The following KCNK13 variants were observed in gnomAD, a reference collection of about 807,000 sequenced individuals.
KCNK13 encodes potassium two pore domain channel subfamily K member 13.
Under a neutral mutation model 23.4 loss-of-function variants are expected in KCNK13, and 12 were observed. The observed-to-expected ratio is 0.51, with a 90% CI of 0.33 to 0.83. The LOEUF (loss-of-function observed/expected upper bound fraction) is 0.83, where lower values mean the gene tolerates loss of function less well. KCNK13 is among the 40% of genes least tolerant of loss of function. The pLI, the probability that KCNK13 is intolerant of heterozygous loss-of-function variation, is 0.02. For missense variants in KCNK13, 463 were observed against 556.3 expected, an observed-to-expected ratio of 0.83 and a Z score of 1.69; for synonymous variants, 231 against 229.5, an observed-to-expected ratio of 1.01 and a Z score of -0.06.
At chr14:90,181,248 C>T (rs1890482383) in intron 1 of KCNK13, among the ~76,000 whole-genome samples, 1 of 152,202 alleles carries the variant, frequency 6.6e-6, no homozygotes, top group South Asian at 2.1e-4. Flanking sequence ...TCTTAGTCCA[C>T]ATGGGCTGCT....
intron 1 of KCNK13, among the ~76,000 whole-genome samples, chr14:90,132,401 C>A (rs1291065336): frequency 6.6e-6 from 1 of 151,888 alleles, no homozygotes; most frequent in African/African-American, 2.4e-5. Flanking sequence ...AAAAATTAGC[C>A]GGTGTGGTGA....
At chr14:90,082,288 C>T (rs1179003857) in intron 1 of KCNK13, among the ~76,000 whole-genome samples, 2 of 151,456 alleles carry the variant, frequency 1.3e-5, no homozygotes, top group East Asian at 3.9e-4. Flanking sequence ...TGGTCTTGAA[C>T]TCCTGACCTC....
intron 1 of KCNK13, among the ~76,000 whole-genome samples, chr14:90,075,820 T>C (rs1044329515): frequency 6.6e-6 from 1 of 152,190 alleles, no homozygotes; most frequent in Non-Finnish European, 1.5e-5. Flanking sequence ...TTCTCTCTAG[T>C]TTCATTCTTC....
At chr14:90,139,756 G>C (rs1889981721) in intron 1 of KCNK13, among the ~76,000 whole-genome samples, 1 of 152,118 alleles carries the variant, frequency 6.6e-6, no homozygotes, top group Admixed American at 6.5e-5. Context: ...GAGCCCAGGA[G>C]TTCAAGACCA....
intron 1 of KCNK13, among the ~76,000 whole-genome samples, chr14:90,141,265 TA>T (rs1890001936): frequency 6.6e-6 from 1 of 152,256 alleles, no homozygotes; most frequent in African/African-American, 2.4e-5. Context: ...CTATTTGTTT[TA>T]AACCATAGCT....
At chr14:90,145,162 C>T (rs1890058974) in intron 1 of KCNK13, among the ~76,000 whole-genome samples, 1 of 152,112 alleles carries the variant, frequency 6.6e-6, no homozygotes. Context: ...AATCCCAGCA[C>T]TTTGGGACGC....
chr14:90,122,280 G>A (rs1334442713), intron 1 of KCNK13, among the ~76,000 whole-genome samples: 1 of 151,642 alleles, frequency 6.6e-6, no homozygotes, highest in African/African-American at 2.4e-5. Flanking sequence ...GAATTTTCTG[G>A]ATAACAGGGC....
At chr14:90,087,139 TATATATATATA>T (rs1889287631) in intron 1 of KCNK13, among the ~76,000 whole-genome samples, 5 of 112,950 alleles carry the variant, frequency 4.4e-5, no homozygotes, top group East Asian at 3.1e-4. Context: ...CATATATATA[TATATATATATA>T]TATATTTTTT....
At chr14:90,121,968 C>T (rs1165568320) in intron 1 of KCNK13, among the ~76,000 whole-genome samples, 2 of 152,090 alleles carry the variant, frequency 1.3e-5, no homozygotes, top group Non-Finnish European at 2.9e-5. Flanking sequence ...GATCTGCCCG[C>T]CTCTGCCTCC....
Position 90,185,041 on chromosome 14 carries a change from A to C in KCNK13, c.*38A>C. 1 of 1,492,304 alleles carries C rather than the reference A, an allele frequency of 6.7e-7. No individual in the cohort carries two copies. Among genetic ancestry groups the C allele is most frequent in the Non-Finnish European group, 8.9e-7 (1 of 1,121,364 alleles). The allele number at this position is 1,492,304 out of a possible 1,614,324, so 92.4% of individuals were successfully genotyped here. ...GATGCTGGGCAGAGGCCAGAGTAGA[A>C]TGGAGGATGATTGCCGCCCAGGGGA... On this transcript the variant is annotated 3_prime_UTR_variant, in exon 2 of 2. Transcript: ENST00000282146.
Position 90,184,073 on chromosome 14 carries a change from G to T in KCNK13, c.335-38G>T. 1 of 1,579,180 alleles carries T rather than the reference G, an allele frequency of 6.3e-7. No individual in the cohort carries two copies. The highest frequency in any genetic ancestry group is 8.6e-7 in the Non-Finnish European group (1 of 1,160,126). ...AGACCTAGACCCCATTCACAGCAAA[G>T]ATTTCTCTTACTCTTCTCTCATTTT... is the stretch of plus-strand genomic sequence containing the variant. On this transcript the variant is annotated intron_variant, in intron 1 of 1. Transcript: ENST00000282146. This position sits in a 1 kb window ranked among gnomAD's most constrained non-coding sequence, Gnocchi z 5.6.
intron 1 of KCNK13, among the ~76,000 whole-genome samples, chr14:90,152,788 A>G (rs1272646293): frequency 6.6e-6 from 1 of 152,156 alleles, no homozygotes; most frequent in East Asian, 1.9e-4. Context: ...GGAGTCTTTA[A>G]TGGTCCCATA....
intron 1 of KCNK13, among the ~76,000 whole-genome samples, chr14:90,165,308 CTGGGA>C (rs2140440447): frequency 1.3e-5 from 2 of 152,240 alleles, no homozygotes; most frequent in East Asian, 3.9e-4. Context: ...CAGGGTGGGG[CTGGGA>C]CCCACCCTAG....
At chr14:90,088,998 T>C (rs1214487200) in intron 1 of KCNK13, among the ~76,000 whole-genome samples, 1 of 152,182 alleles carries the variant, frequency 6.6e-6, no homozygotes, top group Non-Finnish European at 1.5e-5. Flanking sequence ...ATTAAACCTT[T>C]TTTTCTTCCC....
chr14:90,077,026 A>G (rs577567738), intron 1 of KCNK13, among the ~76,000 whole-genome samples: 6 of 148,230 alleles, frequency 4.0e-5, no homozygotes, highest in South Asian at 2.2e-4. Flanking sequence ...TCACCATGTT[A>G]GCCAGGATGG....
At chr14:90,114,780 G>A (rs569514177) in intron 1 of KCNK13, among the ~76,000 whole-genome samples, 10 of 152,312 alleles carry the variant, frequency 6.6e-5, no homozygotes, top group Non-Finnish European at 1.5e-4. Flanking sequence ...GTGAGACCTA[G>A]GTTGTTGGTT....
rs565298406 is a variant in KCNK13 at position 90,062,606 on chromosome 14, C to T, written c.334+67C>T. On this transcript the variant is annotated intron_variant, in intron 1 of 1. Transcript: ENST00000282146. This position sits in a 1 kb window ranked among gnomAD's most constrained non-coding sequence, Gnocchi z 4.5. ...CTCCACTTCCTCCGGGGGGCAGGAC[C>T]GACCCTCTCATCCTTTCATTCATCC... 9 of 1,221,718 alleles carry T rather than the reference C, an allele frequency of 7.4e-6. No individual in the cohort carries two copies. Among genetic ancestry groups the T allele is most frequent in the East Asian group, 2.8e-5 (1 of 35,112 alleles). 75.7% of individuals were successfully genotyped at this position (1,221,718 alleles called of 1,614,324 possible).
intron 1 of KCNK13, among the ~76,000 whole-genome samples, chr14:90,165,098 C>T (rs572788968): frequency 6.6e-5 from 10 of 152,264 alleles, no homozygotes; most frequent in African/African-American, 2.4e-4. Flanking sequence ...GGGAAACTCC[C>T]GTTTTTAAAA....
At chr14:90,097,264 T>C (rs1889422975) in intron 1 of KCNK13, among the ~76,000 whole-genome samples, 1 of 152,148 alleles carries the variant, frequency 6.6e-6, no homozygotes, top group Non-Finnish European at 1.5e-5. Context: ...TTCAAGGGCA[T>C]GACCCTGGCT....
Sources: allele counts gnomAD v4.1 joint callset (sites outside exome capture counted in the v4.1 genomes callset), GRCh38; gene constraint gnomAD v4.1.1; non-coding constraint Gnocchi (gnomAD v3.1); transcripts MANE v1.5; gene names NCBI Gene and HGNC (gene_info 2026-07-23, HGNC 2026-07-21).